The following PTP4A3 variants were observed in gnomAD, a reference collection of about 807,000 sequenced individuals.
The protein encoded by PTP4A3 is protein tyrosine phosphatase 4A3, also known as protein tyrosine phosphatase type IVA 3.
PTP4A3 carries 9 observed loss-of-function variants against 15.2 expected under a neutral mutation model. That is an observed-to-expected ratio of 0.59 (90% CI 0.36 to 1.03). The LOEUF (loss-of-function observed/expected upper bound fraction) is 1.03. PTP4A3 is among the 50% of genes least tolerant of loss of function. The probability of loss-of-function intolerance (pLI) is 0.02; values close to 1 mark genes in which losing one functional copy is unlikely to be tolerated. For synonymous variants in PTP4A3, 95 were observed against 102.0 expected, an observed-to-expected ratio of 0.93 and a Z score of 0.41; for missense variants, 234 against 252.1, an observed-to-expected ratio of 0.93 and a Z score of 0.49.
chr8:141,426,326 C>A, intron 3 of PTP4A3: 1 of 630,400 alleles, frequency 1.6e-6, no homozygotes, highest in Non-Finnish European at 2.0e-6. Flanking sequence ...CGCTGGGGGA[C>A]GGGACAGTGG....
At chr8:141,421,133 G>C (rs535636516) in intron 1 of PTP4A3, among the ~76,000 whole-genome samples, 3 of 152,316 alleles carry the variant, frequency 2.0e-5, no homozygotes, top group Admixed American at 6.5e-5. Flanking sequence ...TCTGTCCTCC[G>C]TCATGCCCTG....
At chr8:141,417,137 T>C (rs1212006383) in intron 1 of PTP4A3, among the ~76,000 whole-genome samples, 1 of 152,194 alleles carries the variant, frequency 6.6e-6, no homozygotes, top group East Asian at 1.9e-4. Flanking sequence ...AGGCGTTTGC[T>C]TGAGAGGGTC....
chr8:141,416,384 T>C (rs1022892037), intron 1 of PTP4A3, among the ~76,000 whole-genome samples: 1 of 152,144 alleles, frequency 6.6e-6, no homozygotes, highest in Admixed American at 6.5e-5. Flanking sequence ...TGTTATGGTT[T>C]GTCAGTGCAG....
chr8:141,422,861 G>T (rs1833400326), intron 2 of PTP4A3, among the ~76,000 whole-genome samples: 2 of 152,214 alleles, frequency 1.3e-5, no homozygotes, highest in Admixed American at 1.3e-4. Context: ...TGGAGAGGCA[G>T]CAGAGATACC....
At chr8:141,419,988 G>A (rs1021555883) in intron 1 of PTP4A3, among the ~76,000 whole-genome samples, 2 of 152,176 alleles carry the variant, frequency 1.3e-5, no homozygotes, top group African/African-American at 4.8e-5. Context: ...TGGAGGGCAG[G>A]CAGGGAGGAG....
At chr8:141,417,988 G>A (rs1833132419) in intron 1 of PTP4A3, among the ~76,000 whole-genome samples, 1 of 151,982 alleles carries the variant, frequency 6.6e-6, no homozygotes, top group African/African-American at 2.4e-5. Flanking sequence ...AGGCCGGCGC[G>A]TATGGAGGCG....
chr8:141,415,789 A>AC (rs1833028067), intron 1 of PTP4A3, among the ~76,000 whole-genome samples: 1 of 38,162 alleles, frequency 2.6e-5, no homozygotes, highest in African/African-American at 1.0e-4. Context: ...GGGAGAGGGG[A>AC]TGGGATGGCA....
At chr8:141,404,085 G>A (rs1267966036) in intron 1 of PTP4A3, among the ~76,000 whole-genome samples, 1 of 152,234 alleles carries the variant, frequency 6.6e-6, no homozygotes, top group Non-Finnish European at 1.5e-5. Flanking sequence ...ACGGCGACAC[G>A]CCTGTTCACC....
intron 1 of PTP4A3, 140 bp downstream of exon 1, chr8:141,392,224 C>T (rs1832300575): frequency 1.3e-5 from 2 of 151,148 alleles, no homozygotes; most frequent in Admixed American, 1.3e-4. Flanking sequence ...GCCGCCTTCC[C>T]CCTGCCCGCG....
chr8:141,415,258 C>T (rs959601509), intron 1 of PTP4A3, among the ~76,000 whole-genome samples: 4 of 152,022 alleles, frequency 2.6e-5, no homozygotes, highest in African/African-American at 9.7e-5. Context: ...CTCTTCCCAG[C>T]CTGCAGCAGG....
chr8:141,405,338 G>A (rs1022839546), intron 1 of PTP4A3, among the ~76,000 whole-genome samples: 1 of 152,168 alleles, frequency 6.6e-6, no homozygotes, highest in Non-Finnish European at 1.5e-5. Context: ...AGGCAATTTT[G>A]GCTAGACACC....
In PTP4A3 at chr8:141,406,058, C is replaced by T. The variant is rs955804576; in HGVS notation, c.-854+13974C>T. ...TGGCTTTCCTGAGTGACGCGGGCAC[C>T]ACTGGAGGCTTTGAGCGGAGGGGGC... is the stretch of plus-strand genomic sequence containing the variant. On this transcript the variant is annotated intron_variant, in intron 1 of 5. Coordinates refer to ENST00000521578, the MANE Select transcript of PTP4A3 (RefSeq NM_032611.3). The surrounding 1 kb of genome is among the most constrained non-coding windows in gnomAD (Gnocchi z 4.5). 1.3e-5 allele frequency among the ~76,000 whole-genome samples: 2 copies of T among 152,006 alleles called. No homozygotes were observed. Among genetic ancestry groups the T allele is most frequent in the Non-Finnish European group, 2.9e-5 (2 of 67,986 alleles).
Position 141,395,420 on chromosome 8 carries a change from G to T in PTP4A3, c.-854+3336G>T, listed in dbSNP as rs567650292. Among the ~76,000 whole-genome samples the T allele has an allele frequency of 3.3e-5, 5 of 152,330 alleles. No homozygotes were observed. In the East Asian group the frequency reaches 9.6e-4, roughly 29 times the overall value. ...CACTCAGTCTTGGGCTGCTTTAGTGGCAGCCTCCTGGTTTGGAAGCGGAAC... is the reference window on the plus strand; with the variant it reads ...CACTCAGTCTTGGGCTGCTTTAGTGTCAGCCTCCTGGTTTGGAAGCGGAAC... On this transcript the variant is annotated intron_variant, in intron 1 of 5. Coordinates refer to ENST00000521578, the MANE Select transcript of PTP4A3 (RefSeq NM_032611.3).
intron 1 of PTP4A3, among the ~76,000 whole-genome samples, chr8:141,403,506 G>A (rs1164713692): frequency 6.6e-6 from 1 of 152,188 alleles, no homozygotes; most frequent in African/African-American, 2.4e-5. Flanking sequence ...TAAGCAAAAC[G>A]ATGCCAGTTT....
chr8:141,396,055 T>C (rs1431961099), intron 1 of PTP4A3, among the ~76,000 whole-genome samples: 7 of 152,126 alleles, frequency 4.6e-5, no homozygotes, highest in Non-Finnish European at 7.4e-5. Context: ...CCTAACCTGA[T>C]GTGTAACCCC....
At chr8:141,401,517 C>T (rs559941692) in intron 1 of PTP4A3, among the ~76,000 whole-genome samples, 3 of 152,312 alleles carry the variant, frequency 2.0e-5, no homozygotes, top group South Asian at 2.1e-4. Context: ...GCTCTGCTGA[C>T]GGATGCTGCT....
intron 5 of PTP4A3, among the ~76,000 whole-genome samples, chr8:141,429,319 G>A (rs112066253): frequency 4.6e-5 from 7 of 152,382 alleles, no homozygotes; most frequent in African/African-American, 1.7e-4. Flanking sequence ...CTGTGGCCAC[G>A]CCTGAGGTCA....
chr8:141,399,203 C>T (rs1832525350), intron 1 of PTP4A3, among the ~76,000 whole-genome samples: 1 of 152,238 alleles, frequency 6.6e-6, no homozygotes, highest in Non-Finnish European at 1.5e-5. Context: ...GCCGGTGCCT[C>T]TTACTCCTGG....
intron 1 of PTP4A3, among the ~76,000 whole-genome samples, chr8:141,411,833 T>A (rs1252263048): frequency 1.5e-4 from 23 of 149,012 alleles, no homozygotes; most frequent in Admixed American, 1.3e-3. Flanking sequence ...GGGGCTGACA[T>A]GGAGTGTAGG....
Sources: gnomAD v4.1 joint callset for allele counts (sites outside exome capture counted in the v4.1 genomes callset) on GRCh38, gnomAD v4.1.1 for gene constraint, Gnocchi (gnomAD v3.1) non-coding constraint, MANE v1.5 for transcripts, NCBI Gene and HGNC (gene_info 2026-07-23, HGNC 2026-07-21) for gene names.